RBM20: variants seen among roughly 807,000 people sequenced by gnomAD.
The protein encoded by RBM20 is RNA binding motif protein 20.
Under a neutral mutation model 110.1 loss-of-function variants are expected in RBM20, and 51 were observed. The ratio of observed to expected loss-of-function variants is 0.46; its 90% confidence interval spans 0.37 to 0.59. The LOEUF is 0.59. Ranked by LOEUF, RBM20 falls within the 20% of genes least tolerant of loss-of-function variation. The pLI, the probability that RBM20 is intolerant of heterozygous loss-of-function variation, is 0.00. For synonymous variants in RBM20, 589 were observed against 618.2 expected, an observed-to-expected ratio of 0.95 and a Z score of 0.70; for missense variants, 1,512 against 1,574.9, an observed-to-expected ratio of 0.96 and a Z score of 0.68.
intron 5 of RBM20, among the ~76,000 whole-genome samples, chr10:110,792,777 G>T (rs1844500964): frequency 1.3e-5 from 2 of 152,196 alleles, no homozygotes. Context: ...TAAACAAGGT[G>T]CTCACTGCTT....
intron 1 of RBM20, among the ~76,000 whole-genome samples, chr10:110,649,215 T>C (rs1367067214): frequency 6.6e-6 from 1 of 152,036 alleles, no homozygotes; most frequent in Non-Finnish European, 1.5e-5. Context: ...TTATCCAGTT[T>C]CTTTCTTTCC....
chr10:110,692,486 T>C (rs1392827803), intron 1 of RBM20, among the ~76,000 whole-genome samples: 1 of 152,182 alleles, frequency 6.6e-6, no homozygotes, highest in Non-Finnish European at 1.5e-5. Context: ...ATTCCTAGTT[T>C]ATTCTTTTTG....
intron 1 of RBM20, among the ~76,000 whole-genome samples, chr10:110,742,388 TAAGAG>T (rs917712695): frequency 6.6e-6 from 1 of 152,026 alleles, no homozygotes; most frequent in Non-Finnish European, 1.5e-5. Flanking sequence ...ACACATGACT[TAAGAG>T]AAGAAGACAC....
chr10:110,671,962 G>A (rs1862266018), intron 1 of RBM20, among the ~76,000 whole-genome samples: 1 of 152,036 alleles, frequency 6.6e-6, no homozygotes, highest in Admixed American at 6.5e-5. Context: ...CCTGGGACCC[G>A]AGGTGCTGAG....
intron 1 of RBM20, among the ~76,000 whole-genome samples, chr10:110,651,908 A>C (rs1405451169): frequency 6.6e-6 from 1 of 152,212 alleles, no homozygotes; most frequent in Non-Finnish European, 1.5e-5. Context: ...GTTGTGGAGA[A>C]ACTTTATTTG....
chr10:110,769,009 A>T (rs1384336682), intron 1 of RBM20, among the ~76,000 whole-genome samples: 1 of 152,216 alleles, frequency 6.6e-6, no homozygotes, highest in Non-Finnish European at 1.5e-5. Context: ...AGTGACAAAA[A>T]TGGCTTGTGG....
intron 5 of RBM20, among the ~76,000 whole-genome samples, chr10:110,797,168 C>T (rs1844560389): frequency 6.6e-6 from 1 of 152,100 alleles, no homozygotes; most frequent in East Asian, 1.9e-4. Flanking sequence ...TGGTGCATGC[C>T]TGTGGTCCCA....
intron 1 of RBM20, among the ~76,000 whole-genome samples, chr10:110,730,470 C>A (rs1391580180): frequency 1.3e-5 from 2 of 152,206 alleles, no homozygotes; most frequent in African/African-American, 4.8e-5. Flanking sequence ...CGGCTTCAGT[C>A]CCGAGGACTC....
rs1416112476 is a variant in RBM20, at chr10:110,686,303, G to T, written c.191+41658G>T. On this transcript the variant is annotated intron_variant, in intron 1 of 13. Transcript: ENST00000369519. ...TAGTAGCTAGTGACTAATGATGAAT[G>T]ATTCTTCCGCTTGGCCCCCCTATAG... Among the ~76,000 whole-genome samples the T allele has an allele frequency of 3.3e-5, 5 of 152,060 alleles. No individual in the cohort carries two copies. In the East Asian group the frequency reaches 9.6e-4, roughly 29 times the overall value.
At chr10:110,766,140 A>G (rs968994428) in intron 1 of RBM20, among the ~76,000 whole-genome samples, 4 of 152,192 alleles carry the variant, frequency 2.6e-5, no homozygotes, top group African/African-American at 7.2e-5. Context: ...AGCTTTAACC[A>G]TTCTTTCTGG....
At chr10:110,674,107 A>T (rs1364802170) in intron 1 of RBM20, among the ~76,000 whole-genome samples, 1 of 152,118 alleles carries the variant, frequency 6.6e-6, no homozygotes, top group South Asian at 2.1e-4. Flanking sequence ...TTAAGGGTGC[A>T]TTTTAGTTCA....
At position 110,784,439 on chromosome 10, in the gene RBM20, A is replaced by C; in HGVS notation, c.1429+7A>C. ...AACCCTGCTGGGAATGAAGGTGAGCAAGGCCCTACAGGTCAGCAGCTTGAA... is the reference window on the plus strand; with the variant it reads ...AACCCTGCTGGGAATGAAGGTGAGCCAGGCCCTACAGGTCAGCAGCTTGAA... On this transcript the variant is annotated splice_region_variant and intron_variant, in intron 4 of 13. Coordinates refer to ENST00000369519, the MANE Select transcript of RBM20 (RefSeq NM_001134363.3). The C allele has an allele frequency of 6.5e-7, 1 of 1,548,510 alleles. No homozygotes were observed. Among genetic ancestry groups the C allele is most frequent in the Non-Finnish European group, 8.7e-7 (1 of 1,144,280 alleles).
chr10:110,750,482 G>A (rs1459503436), intron 1 of RBM20, among the ~76,000 whole-genome samples: 1 of 152,200 alleles, frequency 6.6e-6, no homozygotes, highest in East Asian at 1.9e-4. Flanking sequence ...ACAACTGCTA[G>A]AGGAGCAGAG....
At chr10:110,729,908 C>T (rs1362233847) in intron 1 of RBM20, among the ~76,000 whole-genome samples, 1 of 152,224 alleles carries the variant, frequency 6.6e-6, no homozygotes, top group Non-Finnish European at 1.5e-5. Context: ...CTACGCCTCC[C>T]AGGTTCAAGT....
chr10:110,837,041 C>A lies in RBM20; in HGVS notation c.*1063C>A, dbSNP rs1413471729. ...TTGGTGCCTGCACTCTGGGGTACAA[C>A]CACCTCACAGTAGGATGGTTTTTAA... On this transcript the variant is annotated 3_prime_UTR_variant, in exon 14 of 14. Transcript: ENST00000369519. The A allele has an allele frequency of 6.6e-6, 1 of 152,200 alleles. No individual in the cohort carries two copies. The highest frequency in any genetic ancestry group is 2.4e-5 in the African/African-American group (1 of 41,440). 9.4% of individuals were successfully genotyped at this position (152,200 alleles called of 1,614,324 possible).
chr10:110,785,797 G>A (rs949639273), intron 5 of RBM20, among the ~76,000 whole-genome samples: 6 of 151,526 alleles, frequency 4.0e-5, no homozygotes, highest in Admixed American at 1.3e-4. Flanking sequence ...AGCATTCAGC[G>A]CTGGCTTAGA....
intron 1 of RBM20, among the ~76,000 whole-genome samples, chr10:110,689,782 A>G (rs2134874522): frequency 6.6e-6 from 1 of 152,336 alleles, no homozygotes; most frequent in East Asian, 1.9e-4. Flanking sequence ...TTACAAGTCT[A>G]AAGTAGCAGT....
At chr10:110,790,254 T>C (rs1373712300) in intron 5 of RBM20, among the ~76,000 whole-genome samples, 1 of 152,210 alleles carries the variant, frequency 6.6e-6, no homozygotes, top group Non-Finnish European at 1.5e-5. Flanking sequence ...TCTGGTCTCC[T>C]GACTTCTTTG....
In RBM20 at chr10:110,836,011, CAAGGTTGGAAAGGAG is replaced by C; in HGVS notation, c.*35_*49del. The C allele has an allele frequency of 1.1e-6, 1 of 876,586 alleles. No homozygotes were observed. Among genetic ancestry groups the C allele is most frequent in the Non-Finnish European group, 1.8e-6 (1 of 552,248 alleles). 54.3% of individuals were successfully genotyped at this position (876,586 alleles called of 1,614,324 possible). ...GCTTCTGCTGCTACTGCTGCTGCTGCAAGGTTGGAAAGGAGAGCTTGCTGAAGTGGGGCCTTCCTG... is the reference window on the plus strand; with the variant it reads ...GCTTCTGCTGCTACTGCTGCTGCTGCAGCTTGCTGAAGTGGGGCCTTCCTG... On this transcript the variant is annotated 3_prime_UTR_variant, in exon 14 of 14. Coordinates refer to ENST00000369519, the MANE Select transcript of RBM20 (RefSeq NM_001134363.3).
Sources: allele counts gnomAD v4.1 joint callset (sites outside exome capture counted in the v4.1 genomes callset), GRCh38; gene constraint gnomAD v4.1.1; transcripts MANE v1.5; gene names NCBI Gene and HGNC (gene_info 2026-07-23, HGNC 2026-07-21).